VPS8: variants seen among roughly 807,000 people sequenced by gnomAD.
VPS8 encodes the protein VPS8 subunit of CORVET complex, also known as vacuolar protein sorting-associated protein 8 homolog.
Under a neutral mutation model 216.4 loss-of-function variants are expected in VPS8, and 129 were observed. That is an observed-to-expected ratio of 0.60 (90% confidence interval 0.52 to 0.69). VPS8 has a LOEUF of 0.69. Among genes scored for constraint, VPS8 ranks in the 30% least tolerant of loss-of-function variants. The pLI, the probability that VPS8 is intolerant of heterozygous loss-of-function variation, is 0.00. For missense variants in VPS8, 1,531 were observed against 1,683.5 expected, an observed-to-expected ratio of 0.91 and a Z score of 1.59; for synonymous variants, 571 against 565.4, an observed-to-expected ratio of 1.01 and a Z score of -0.14.
intron 3 of VPS8, among the ~76,000 whole-genome samples, chr3:184,826,691 G>C (rs1718859743): frequency 6.6e-6 from 1 of 152,176 alleles, no homozygotes. Flanking sequence ...ATTATGTGTT[G>C]CTAATGGTTA....
At chr3:184,869,889 A>G (rs1728040563) in intron 20 of VPS8, among the ~76,000 whole-genome samples, 1 of 152,118 alleles carries the variant, frequency 6.6e-6, no homozygotes, top group Non-Finnish European at 1.5e-5. Flanking sequence ...ACCTGTATCT[A>G]AAAAAACAGT....
At chr3:184,984,379 C>T (rs1465121204) in intron 42 of VPS8, among the ~76,000 whole-genome samples, 3 of 150,216 alleles carry the variant, frequency 2.0e-5, no homozygotes, top group Admixed American at 6.6e-5. Context: ...CCGCAACCTC[C>T]GCCTCCTGGG....
At chr3:185,029,608 G>A (rs1297518240) in intron 46 of VPS8, among the ~76,000 whole-genome samples, 1 of 150,120 alleles carries the variant, frequency 6.7e-6, no homozygotes, top group South Asian at 2.1e-4. Flanking sequence ...TCTGTTGCCC[G>A]GCTTGGAGTG....
At chr3:184,819,759 G>C (rs1374208001) in intron 1 of VPS8, among the ~76,000 whole-genome samples, 1 of 152,156 alleles carries the variant, frequency 6.6e-6, no homozygotes, top group Non-Finnish European at 1.5e-5. Context: ...GAAAATCTGA[G>C]TACAACTTGT....
chr3:184,984,109 G>C (rs1380339102), intron 42 of VPS8, among the ~76,000 whole-genome samples: 1 of 135,438 alleles, frequency 7.4e-6, no homozygotes, highest in Non-Finnish European at 1.5e-5. Context: ...GCGTGAACCC[G>C]GGAGGCAGAG....
chr3:184,819,815 CCTTA>C (rs2108483140), intron 1 of VPS8, among the ~76,000 whole-genome samples: 1 of 152,258 alleles, frequency 6.6e-6, no homozygotes, highest in South Asian at 2.1e-4. Context: ...TGAGCAGAAG[CCTTA>C]CTGATAACAT....
intron 42 of VPS8, among the ~76,000 whole-genome samples, chr3:184,993,311 T>G (rs1285164343): frequency 6.6e-6 from 1 of 152,140 alleles, no homozygotes; most frequent in African/African-American, 2.4e-5. Flanking sequence ...TCTAGTTGGA[T>G]TTCAGTTTTT....
chr3:184,847,092 T>A (rs1723273463), intron 8 of VPS8, among the ~76,000 whole-genome samples: 1 of 152,212 alleles, frequency 6.6e-6, no homozygotes, highest in South Asian at 2.1e-4. Context: ...AGACAGTAAC[T>A]TTTAAAATAC....
At chr3:184,947,297 C>T (rs1309117023) in intron 36 of VPS8, among the ~76,000 whole-genome samples, 2 of 152,106 alleles carry the variant, frequency 1.3e-5, no homozygotes, top group South Asian at 2.1e-4. Context: ...TTGTTCTGTG[C>T]CCCCTTTGAA....
chr3:184,957,476 G>C lies in VPS8; in HGVS notation c.3138G>C (p.Glu1046Asp). The change falls in exon 37 of 48, where the codon GAG (glutamate) becomes GAC (aspartate). Residue 1046 changes from glutamate to aspartate, a missense_variant. Around this residue, in one of 3 missense-constraint regions of VPS8, gnomAD observed 1,318 missense variants for 1,468.4 expected, o/e 0.90. Transcript: ENST00000625842. The part of the protein sequence containing the change: ...LCQFNPTQVI[E>D]TLQVLECYRL... The stretch of plus-strand genomic sequence containing the variant: ...AGTTCAACCCAACCCAAGTTATAGA[G>C]ACTCTGCAAGTCCTTGAGTGCTACC... 1 of 1,612,566 alleles carries C rather than the reference G, an allele frequency of 6.2e-7. No homozygotes were observed. The highest frequency in any genetic ancestry group is 2.2e-5 in the East Asian group (1 of 44,802).
At chr3:184,936,145 A>G in intron 34 of VPS8, 101 bp from the exon 35 acceptor site, 3 of 945,068 alleles carry the variant, frequency 3.2e-6, no homozygotes, top group Non-Finnish European at 4.8e-6. Flanking sequence ...GCAGCATGGA[A>G]GCTTGCGACT....
chr3:185,031,070 T>G (rs964026440), intron 46 of VPS8, among the ~76,000 whole-genome samples: 18 of 141,968 alleles, frequency 1.3e-4, no homozygotes, highest in Admixed American at 3.5e-4. Context: ...GGCGTTTTTT[T>G]TTTTTTTTTT....
chr3:185,014,365 G>T (rs943660305), intron 45 of VPS8, among the ~76,000 whole-genome samples: 2 of 152,114 alleles, frequency 1.3e-5, no homozygotes, highest in African/African-American at 4.8e-5. Flanking sequence ...TGCAACCAGG[G>T]GGTCCTCAGG....
At chr3:184,988,613 C>T (rs999580984) in intron 42 of VPS8, among the ~76,000 whole-genome samples, 2 of 152,194 alleles carry the variant, frequency 1.3e-5, no homozygotes, top group African/African-American at 4.8e-5. Flanking sequence ...TGCTCTTCTT[C>T]ATTATTGTGT....
chr3:184,863,147 G>C, intron 16 of VPS8, 80 bp downstream of exon 16: 1 of 1,517,158 alleles, frequency 6.6e-7, no homozygotes, highest in Admixed American at 1.9e-5. Flanking sequence ...TTTAGAAATA[G>C]GAACTCTGGG....
intron 3 of VPS8, among the ~76,000 whole-genome samples, chr3:184,829,123 G>T (rs562218267): frequency 2.3e-4 from 35 of 152,244 alleles, no homozygotes; most frequent in African/African-American, 8.4e-4. Context: ...TCTAATTTCT[G>T]ACTACTATGA....
At chr3:184,948,247 GTTGGAATTTAT>G (rs1270884539) in intron 36 of VPS8, among the ~76,000 whole-genome samples, 26 of 144,392 alleles carry the variant, frequency 1.8e-4, no homozygotes, top group Middle Eastern at 3.5e-3. Context: ...AATCTGCTTT[GTTGGAATTTAT>G]TATAAGAAAC....
At chr3:184,867,684 A>G (rs997660216) in intron 17 of VPS8, among the ~76,000 whole-genome samples, 4 of 152,170 alleles carry the variant, frequency 2.6e-5, no homozygotes, top group Non-Finnish European at 5.9e-5. Flanking sequence ...TGTCTCTAGT[A>G]AAAATACAAA....
intron 8 of VPS8, among the ~76,000 whole-genome samples, chr3:184,846,444 T>C (rs1723144600): frequency 6.6e-6 from 1 of 152,250 alleles, no homozygotes; most frequent in Admixed American, 6.5e-5. Flanking sequence ...CTCTATTTCC[T>C]CTTCATGGCA....
Sources: allele counts gnomAD v4.1 joint callset (sites outside exome capture counted in the v4.1 genomes callset), GRCh38; gene constraint gnomAD v4.1.1; regional missense constraint gnomAD v4.1.1; transcripts MANE v1.5; gene names NCBI Gene and HGNC (gene_info 2026-07-23, HGNC 2026-07-21).